SOX13: variants seen among roughly 807,000 people sequenced by gnomAD.
SOX13 encodes SRY-box transcription factor 13.
SOX13 carries 28 observed loss-of-function variants against 71.8 expected under a neutral mutation model. The ratio of observed to expected loss-of-function variants is 0.39; its 90% CI spans 0.29 to 0.53. The LOEUF is 0.53. Ranked by LOEUF, SOX13 falls within the 20% of genes least tolerant of loss-of-function variation. The pLI, the probability that SOX13 is intolerant of heterozygous loss-of-function variation, is 0.70. For missense variants in SOX13, 627 were observed against 810.3 expected (o/e 0.77, Z 2.75); for synonymous variants, 309 against 317.8 (o/e 0.97, Z 0.29).
intron 2 of SOX13, 105 bp downstream of exon 2, chr1:204,113,239 G>A: frequency 1.0e-6 from 1 of 959,764 alleles, no homozygotes. Flanking sequence ...GATACAGGCA[G>A]AAGTGGTGAT....
Position 204,073,219 on chromosome 1 carries a change from C to G in SOX13, c.-494C>G, listed in dbSNP as rs1433411585. The G allele has an allele frequency of 6.6e-6, 1 of 152,244 alleles. No homozygotes were observed. The highest frequency in any genetic ancestry group is 2.4e-5 in the African/African-American group (1 of 41,444). 9.4% of individuals were successfully genotyped at this position (152,244 alleles called of 1,614,324 possible). Reference sequence around the variant, plus strand: ...AACCCGGGCCCAGAACCGGCGAGCCCAGGTCTGAGCCCAGAGCTCAGCGGT... The same window carrying G: ...AACCCGGGCCCAGAACCGGCGAGCCGAGGTCTGAGCCCAGAGCTCAGCGGT... On this transcript the variant is annotated 5_prime_UTR_variant, in exon 1 of 14. Coordinates refer to ENST00000367204, the MANE Select transcript of SOX13 (RefSeq NM_005686.3). The surrounding 1 kb of genome is among the most constrained non-coding windows in gnomAD (Gnocchi z 6.8).
At chr1:204,106,770 G>T (rs1656479144) in intron 1 of SOX13, among the ~76,000 whole-genome samples, 1 of 152,156 alleles carries the variant, frequency 6.6e-6, no homozygotes. Flanking sequence ...TTCCCAAAGT[G>T]CTGGGATTAC....
In SOX13 at chr1:204,126,107, T is replaced by C. The variant is rs749599068; in HGVS notation, c.1842T>C (p.Asp614=). Residue 614 remains aspartate (D), a synonymous_variant, in exon 14 of 14, where the codon GAT becomes GAC. Coordinates refer to ENST00000367204, the MANE Select transcript of SOX13 (RefSeq NM_005686.3). ...ACTCGGAGGGCGAAGAGAAGAGCGA[T>C]GGGGAGTTGGTGGTGCTCACAGACT... ...DEDSEGEEKS[D]GELVVLTD 1.9e-6 allele frequency: 3 copies of C among 1,613,852 alleles called. No individual in the cohort carries two copies. Among genetic ancestry groups the C allele is most frequent in the East Asian group, 2.2e-5 (1 of 44,872 alleles).
chr1:204,106,014 G>A (rs796750762), intron 1 of SOX13, among the ~76,000 whole-genome samples: 30 of 152,250 alleles, frequency 2.0e-4, no homozygotes, highest in African/African-American at 4.6e-4. Context: ...AACCTCCTGC[G>A]GAGCCACATG....
intron 2 of SOX13, among the ~76,000 whole-genome samples, chr1:204,113,873 C>T (rs1287767194): frequency 6.6e-6 from 1 of 152,120 alleles, no homozygotes; most frequent in African/African-American, 2.4e-5. Context: ...CTACCTGCTC[C>T]CCTATGCAGC....
At chr1:204,108,243 A>G (rs561176873) in intron 1 of SOX13, among the ~76,000 whole-genome samples, 2 of 152,312 alleles carry the variant, frequency 1.3e-5, no homozygotes, top group East Asian at 1.9e-4. Context: ...GTAATCAGTA[A>G]CCATTACTAA....
At position 204,117,130 on chromosome 1, in the gene SOX13, G is replaced by GCAGCAGCAGCAGCTGATT; in HGVS notation, c.612_629dup (p.Gln204_Gln209dup). On this transcript the variant is annotated inframe_insertion, in exon 6 of 14. Coordinates refer to ENST00000367204, the MANE Select transcript of SOX13 (RefSeq NM_005686.3). ...CTCTTTCCCTCTCCCAGATTGCAAAGCAGCAGCAGCAGCTGATTCAGCAGC... is the reference window on the plus strand; with the variant it reads ...CTCTTTCCCTCTCCCAGATTGCAAAGCAGCAGCAGCAGCTGATTCAGCAGCAGCAGCTGATTCAGCAGC... 6.2e-7 allele frequency: 1 copy of GCAGCAGCAGCAGCTGATT among 1,611,716 alleles called. No individual in the cohort carries two copies. The highest frequency in any genetic ancestry group is 8.5e-7 in the Non-Finnish European group (1 of 1,177,914).
At chr1:204,080,230 G>A (rs1354432135) in intron 1 of SOX13, among the ~76,000 whole-genome samples, 1 of 152,192 alleles carries the variant, frequency 6.6e-6, no homozygotes, top group Non-Finnish European at 1.5e-5. Context: ...CCCAGCGGTG[G>A]CCTTAGCATT....
chr1:204,114,953 G>A (rs1656658739), intron 4 of SOX13, among the ~76,000 whole-genome samples: 2 of 152,010 alleles, frequency 1.3e-5, no homozygotes, highest in Admixed American at 6.6e-5. Flanking sequence ...AGGTCAGTTG[G>A]ACCTCACTAA....
chr1:204,115,491 TTAAAAAAAAAAAA>T (rs1190467414), intron 4 of SOX13, among the ~76,000 whole-genome samples: 1 of 95,812 alleles, frequency 1.0e-5, no homozygotes, highest in Non-Finnish European at 2.0e-5. Flanking sequence ...TTTTTTTTTT[TTAAAAAAAAAAAA>T]AAAAAAAAAG....
At chr1:204,089,298 C>T (rs1656088539) in intron 1 of SOX13, among the ~76,000 whole-genome samples, 1 of 152,098 alleles carries the variant, frequency 6.6e-6, no homozygotes. Flanking sequence ...CATTTTGAGC[C>T]CAGCCCCGTG....
At chr1:204,112,527 A>ACACACACAGT (rs34093119) in intron 1 of SOX13, among the ~76,000 whole-genome samples, 1 of 147,790 alleles carries the variant, frequency 6.8e-6, no homozygotes, top group Non-Finnish European at 1.5e-5. Flanking sequence ...ACACACACAC[A>ACACACACAGT]CTTTCTCTCT....
In SOX13 at chr1:204,125,874, G is replaced by A. The variant is rs1419512417; in HGVS notation, c.1609G>A (p.Val537Met). ...SYVIPPQAGQVQMSSSDVLYP... is the reference protein window; with the variant it reads ...SYVIPPQAGQMQMSSSDVLYP... Reference sequence around the variant, plus strand: ...GCCCCACAGCCCGCAGGCTGGCCAGGTGCAGATGAGCTCCTCAGATGTCCT... The same window carrying A: ...GCCCCACAGCCCGCAGGCTGGCCAGATGCAGATGAGCTCCTCAGATGTCCT... Residue 537 changes from valine (V) to methionine (M), a missense_variant, in exon 14 of 14, where the codon GTG becomes ATG. Val to Met is a conservative substitution (Grantham distance 21, BLOSUM62 1). Around this residue, in one of 3 missense-constraint regions of SOX13, gnomAD observed 148 missense variants for 192.7 expected, o/e 0.77. Coordinates refer to ENST00000367204, the MANE Select transcript of SOX13 (RefSeq NM_005686.3). The A allele has an allele frequency of 6.2e-7, 1 of 1,611,682 alleles. No individual in the cohort carries two copies. Among genetic ancestry groups the A allele is most frequent in the East Asian group, 2.2e-5 (1 of 44,846 alleles).
Position 204,123,049 on chromosome 1 carries a change from G to T in SOX13, c.1135-63G>T. 1 of 1,521,172 alleles carries T rather than the reference G, an allele frequency of 6.6e-7. No individual in the cohort carries two copies. The highest frequency in any genetic ancestry group is 9.1e-7 in the Non-Finnish European group (1 of 1,098,122). 94.2% of individuals were successfully genotyped at this position (1,521,172 alleles called of 1,614,324 possible). ...ACACAGTCTGAGGCCACCAAGAGAG[G>T]AGCATGGGGAGGAGTGGGGTGATGC... On this transcript the variant is annotated intron_variant, in intron 10 of 13. Coordinates refer to ENST00000367204, the MANE Select transcript of SOX13 (RefSeq NM_005686.3). The surrounding 1 kb of genome is among the most constrained non-coding windows in gnomAD (Gnocchi z 5.0).
chr1:204,119,901 G>A (rs1253730027), intron 7 of SOX13: 1 of 152,400 alleles, frequency 6.6e-6, no homozygotes, highest in Non-Finnish European at 1.5e-5. Flanking sequence ...AGCTACTTGG[G>A]AGGCTGAGGC....
At chr1:204,082,241 GGT>G (rs35526887) in intron 1 of SOX13, among the ~76,000 whole-genome samples, 20 of 150,554 alleles carry the variant, frequency 1.3e-4, no homozygotes, top group East Asian at 3.9e-4. Context: ...GGCCAGGTGT[GGT>G]GTGTGTGTGT....
At chr1:204,092,683 G>A (rs1656171761) in intron 1 of SOX13, among the ~76,000 whole-genome samples, 1 of 152,168 alleles carries the variant, frequency 6.6e-6, no homozygotes, top group Non-Finnish European at 1.5e-5. Flanking sequence ...AGTCTGTCCT[G>A]GGGTGGGGAC....
intron 1 of SOX13, among the ~76,000 whole-genome samples, chr1:204,106,328 T>C (rs534125808): frequency 6.6e-6 from 1 of 152,232 alleles, no homozygotes; most frequent in East Asian, 1.9e-4. Context: ...CTAATAGTCC[T>C]AACAGTATCC....
At chr1:204,109,685 T>A (rs1031384343) in intron 1 of SOX13, among the ~76,000 whole-genome samples, 2 of 152,338 alleles carry the variant, frequency 1.3e-5, no homozygotes, top group African/African-American at 4.8e-5. Context: ...TCCCGCTGTA[T>A]CTGAGACGGT....
Sources: gnomAD v4.1 joint callset for allele counts (sites outside exome capture counted in the v4.1 genomes callset) on GRCh38, gnomAD v4.1.1 for gene constraint, gnomAD v4.1.1 regional missense constraint, Gnocchi (gnomAD v3.1) non-coding constraint, MANE v1.5 for transcripts, NCBI Gene and HGNC (gene_info 2026-07-23, HGNC 2026-07-21) for gene names.